Variants in DRC5 observed in about 807,000 individuals in gnomAD.
The protein encoded by DRC5 is dynein regulatory complex subunit 5, also known as T-complex-associated testis-expressed protein 1.
At chr6:44,296,393 T>C in the DRC5 span, among the ~76,000 whole-genome samples, 3 of 152,220 alleles carry the variant, frequency 2.0e-5, no homozygotes, top group Non-Finnish European at 4.4e-5. Context: ...GCCTGCATCC[T>C]TTGGAGGGTG....
chr6:44,287,833 G>C, the DRC5 span: 1 of 1,611,446 alleles, frequency 6.2e-7, no homozygotes, highest in East Asian at 2.2e-5. Flanking sequence ...CATGCTGGAG[G>C]CTGGCAAGGT....
the DRC5 span, chr6:44,282,451 T>G: frequency 6.2e-7 from 1 of 1,613,234 alleles, no homozygotes; most frequent in Non-Finnish European, 8.5e-7. Flanking sequence ...CGGTCTCCAA[T>G]GAGGTTTTGT....
chr6:44,282,167 C>A, the DRC5 span: 1 of 1,614,182 alleles, frequency 6.2e-7, no homozygotes, highest in South Asian at 1.1e-5. Context: ...TGATGGCGAG[C>A]ACCTGTGACA....
At chr6:44,289,987 C>T in the DRC5 span, among the ~76,000 whole-genome samples, 3 of 152,190 alleles carry the variant, frequency 2.0e-5, no homozygotes, top group Admixed American at 6.5e-5. Flanking sequence ...GCTTCCCAGC[C>T]TGCCAGGCAT....
chr6:44,286,672 C>T, the DRC5 span: 2 of 713,750 alleles, frequency 2.8e-6, no homozygotes, highest in South Asian at 3.6e-5. Flanking sequence ...CCTCTGCTCT[C>T]AGGGGGGCTC....
At chr6:44,282,152 G>A in the DRC5 span, 43 of 1,614,090 alleles carry the variant, frequency 2.7e-5, no homozygotes, top group Middle Eastern at 1.6e-4. Flanking sequence ...TGGTGAGTGT[G>A]GTGTTGATGG....
the DRC5 span, among the ~76,000 whole-genome samples, chr6:44,289,455 T>G: frequency 6.6e-6 from 1 of 152,182 alleles, no homozygotes; most frequent in Non-Finnish European, 1.5e-5. Context: ...TCTTCAAAAT[T>G]TGATGGCTCA....
chr6:44,285,247 G>A, the DRC5 span, among the ~76,000 whole-genome samples: 1 of 152,208 alleles, frequency 6.6e-6, no homozygotes, highest in Non-Finnish European at 1.5e-5. Context: ...TCTCATAAGA[G>A]TATCTCTTCT....
chr6:44,295,122 C>G, the DRC5 span, among the ~76,000 whole-genome samples: 3 of 152,142 alleles, frequency 2.0e-5, no homozygotes, highest in Non-Finnish European at 4.4e-5. Context: ...CCTGTTGGGC[C>G]AGTCAGAGAA....
the DRC5 span, chr6:44,285,991 G>A: frequency 2.5e-6 from 4 of 1,613,788 alleles, no homozygotes; most frequent in East Asian, 6.7e-5. Context: ...CCTTGATGGC[G>A]GCTGCCAAGG....
the DRC5 span, among the ~76,000 whole-genome samples, chr6:44,290,070 T>C: frequency 2.0e-5 from 3 of 152,286 alleles, no homozygotes; most frequent in East Asian, 5.8e-4. Flanking sequence ...ATCTAGGTAT[T>C]GTGACATCCC....
the DRC5 span, among the ~76,000 whole-genome samples, chr6:44,281,737 GTC>G: frequency 6.6e-6 from 1 of 152,224 alleles, no homozygotes; most frequent in South Asian, 2.1e-4. Flanking sequence ...TAGAGACACA[GTC>G]TATTAGAAAG....
At chr6:44,280,102 A>C in the DRC5 span, 1 of 1,298,610 alleles carries the variant, frequency 7.7e-7, no homozygotes, top group Non-Finnish European at 1.1e-6. Flanking sequence ...CCTCTGAACC[A>C]GTGTGATACT....
chr6:44,285,837 A>C, the DRC5 span: 4 of 915,786 alleles, frequency 4.4e-6, no homozygotes, highest in African/African-American at 3.3e-5. Flanking sequence ...AGGGTGCATT[A>C]AAAAACACTT....
At chr6:44,279,391 C>T in the DRC5 span, 2 of 152,204 alleles carry the variant, frequency 1.3e-5, no homozygotes, top group East Asian at 3.8e-4. Flanking sequence ...GATTTAAGCG[C>T]AAAGATTGTA....
chr6:44,290,345 CCT>C, the DRC5 span, among the ~76,000 whole-genome samples: 1 of 152,116 alleles, frequency 6.6e-6, no homozygotes, highest in Admixed American at 6.5e-5. Context: ...TGGAGATCCC[CCT>C]GAGATAATGG....
At chr6:44,297,572 A>G in the DRC5 span, 1 of 152,170 alleles carries the variant, frequency 6.6e-6, no homozygotes, top group Non-Finnish European at 1.5e-5. Flanking sequence ...AGAGGACGCT[A>G]GAGGGGCTCC....
the DRC5 span, among the ~76,000 whole-genome samples, chr6:44,280,707 G>A: frequency 6.6e-6 from 1 of 152,212 alleles, no homozygotes; most frequent in African/African-American, 2.4e-5. Context: ...GAGAGAGGGT[G>A]GCTTCTGGGA....
At chr6:44,290,914 A>G in the DRC5 span, among the ~76,000 whole-genome samples, 4 of 152,164 alleles carry the variant, frequency 2.6e-5, no homozygotes, top group Admixed American at 6.5e-5. Flanking sequence ...AGGTGACTCT[A>G]GTCCCACCGT....
Sources: gnomAD v4.1 joint callset for allele counts (sites outside exome capture counted in the v4.1 genomes callset) on GRCh38, gnomAD v4.1.1 for gene constraint, MANE v1.5 for transcripts, NCBI Gene and HGNC (gene_info 2026-07-23, HGNC 2026-07-21) for gene names.